The following THRB variants were observed in gnomAD, a reference collection of about 807,000 sequenced individuals.
THRB encodes the protein nuclear receptor subfamily 1 group A member 2.
A neutral mutation model predicts 47.8 loss-of-function variants in THRB; 12 were observed. That is an observed-to-expected ratio of 0.25 (90% CI 0.16 to 0.41). The LOEUF (loss-of-function observed/expected upper bound fraction) is 0.41, where lower values mean the gene tolerates loss of function less well. THRB is among the 10% of genes least tolerant of loss of function. THRB has a pLI of 1.00. For synonymous variants in THRB, 218 were observed against 212.2 expected, an observed-to-expected ratio of 1.03 and a Z score of -0.24; for missense variants, 348 against 589.2, an observed-to-expected ratio of 0.59 and a Z score of 4.24.
chr3:24,236,656 C>G (rs36098255), intron 3 of THRB, among the ~76,000 whole-genome samples: 14,512 of 152,110 alleles, frequency 0.095, 1,018 homozygotes, highest in African/African-American at 0.2. Flanking sequence ...TTCTCCTTCA[C>G]CTGCCCTGCC....
At chr3:24,322,480 T>C (rs1414328999) in intron 2 of THRB, among the ~76,000 whole-genome samples, 1 of 152,236 alleles carries the variant, frequency 6.6e-6, no homozygotes, top group Non-Finnish European at 1.5e-5. Flanking sequence ...CCCATCTCTG[T>C]CTGATGGCCC....
intron 5 of THRB, 119 bp from the exon 6 acceptor site, chr3:24,152,609 TAAA>T (rs2037143246): frequency 2.9e-6 from 2 of 699,222 alleles, no homozygotes; most frequent in African/African-American, 3.5e-5. Context: ...GTAACAACAG[TAAA>T]GACTTAGTGA....
At chr3:24,303,786 CACCG>C (rs1246983378) in intron 2 of THRB, among the ~76,000 whole-genome samples, 1 of 152,176 alleles carries the variant, frequency 6.6e-6, no homozygotes, top group Non-Finnish European at 1.5e-5. Context: ...CAGAAGGATA[CACCG>C]ACTAAGTTTT....
chr3:24,205,536 C>T (rs1384785953), intron 4 of THRB, among the ~76,000 whole-genome samples: 1 of 152,238 alleles, frequency 6.6e-6, no homozygotes, highest in South Asian at 2.1e-4. Flanking sequence ...GTAGCAGCCA[C>T]TGCAAAAACA....
chr3:24,412,541 A>T (rs980207006), intron 1 of THRB, among the ~76,000 whole-genome samples: 2 of 151,908 alleles, frequency 1.3e-5, no homozygotes, highest in East Asian at 3.9e-4. Context: ...AGAGTTACCA[A>T]ACAAAGCTAG....
intron 1 of THRB, among the ~76,000 whole-genome samples, chr3:24,468,211 G>C (rs1189221060): frequency 6.6e-6 from 1 of 152,172 alleles, no homozygotes; most frequent in African/African-American, 2.4e-5. Flanking sequence ...GGGCTTTGCT[G>C]TAGATTAGGC....
intron 9 of THRB, among the ~76,000 whole-genome samples, chr3:24,129,520 G>T (rs2033477515): frequency 6.6e-6 from 1 of 152,240 alleles, no homozygotes; most frequent in African/African-American, 2.4e-5. Flanking sequence ...AACTGTTGAA[G>T]ATTAGTTCAA....
chr3:24,490,607 G>C (rs1020547096), intron 1 of THRB, among the ~76,000 whole-genome samples: 9 of 152,148 alleles, frequency 5.9e-5, no homozygotes, highest in African/African-American at 2.2e-4. Flanking sequence ...AGGGTGATAA[G>C]AGCTATATAG....
intron 1 of THRB, among the ~76,000 whole-genome samples, chr3:24,425,712 G>A (rs1404790648): frequency 6.6e-6 from 1 of 151,826 alleles, no homozygotes; most frequent in East Asian, 1.9e-4. Context: ...TGGTGCCTAT[G>A]GGGGATTATT....
chr3:24,239,407 G>C (rs887893963), intron 3 of THRB, among the ~76,000 whole-genome samples: 1 of 152,116 alleles, frequency 6.6e-6, no homozygotes, highest in East Asian at 1.9e-4. Flanking sequence ...ATGCACCAGA[G>C]CAATTAGAGC....
intron 3 of THRB, among the ~76,000 whole-genome samples, chr3:24,262,946 T>C (rs193179811): frequency 1.3e-5 from 2 of 152,308 alleles, no homozygotes; most frequent in African/African-American, 4.8e-5. Flanking sequence ...AGAATTTGAT[T>C]CTTGCAAATA....
chr3:24,373,328 G>C (rs539342535), intron 1 of THRB, among the ~76,000 whole-genome samples: 1 of 152,266 alleles, frequency 6.6e-6, no homozygotes, highest in South Asian at 2.1e-4. Flanking sequence ...TATGCAAACT[G>C]AAGTCAACGC....
intron 4 of THRB, among the ~76,000 whole-genome samples, chr3:24,221,742 T>A (rs1006103874): frequency 6.6e-6 from 1 of 152,212 alleles, no homozygotes; most frequent in Admixed American, 6.5e-5. Flanking sequence ...CTGCTCAAAT[T>A]TGGAAACTGA....
chr3:24,377,393 T>C (rs1206604381), intron 1 of THRB, among the ~76,000 whole-genome samples: 1 of 151,972 alleles, frequency 6.6e-6, no homozygotes, highest in African/African-American at 2.4e-5. Flanking sequence ...CTGTCCTCTT[T>C]GGCATAGGTC....
intron 5 of THRB, among the ~76,000 whole-genome samples, chr3:24,183,958 T>A (rs925724486): frequency 1.4e-4 from 21 of 152,344 alleles, no homozygotes; most frequent in African/African-American, 5.1e-4. Context: ...GATTTTTGAA[T>A]GTGGTTGCAT....
At chr3:24,299,773 A>AT (rs1559869623) in intron 2 of THRB, among the ~76,000 whole-genome samples, 1 of 70,320 alleles carries the variant, frequency 1.4e-5, no homozygotes, top group African/African-American at 5.9e-5. Flanking sequence ...ATGCTTTTTT[A>AT]TTTATTTATT....
chr3:24,288,343 A>G (rs2055552005), intron 3 of THRB, among the ~76,000 whole-genome samples: 1 of 152,238 alleles, frequency 6.6e-6, no homozygotes, highest in Non-Finnish European at 1.5e-5. Context: ...CTACATCTGA[A>G]CTATTTACAC....
At chr3:24,364,392 A>G (rs2064301270) in intron 1 of THRB, among the ~76,000 whole-genome samples, 1 of 152,176 alleles carries the variant, frequency 6.6e-6, no homozygotes, top group South Asian at 2.1e-4. Flanking sequence ...TGTCTACTAT[A>G]TGTCAGGCAC....
At chr3:24,300,848 G>T (rs777217404) in intron 2 of THRB, among the ~76,000 whole-genome samples, 6 of 152,172 alleles carry the variant, frequency 3.9e-5, no homozygotes, top group African/African-American at 7.2e-5. Flanking sequence ...TCATTGTAGT[G>T]ACTGAATGGT....
Sources: allele counts gnomAD v4.1 joint callset (sites outside exome capture counted in the v4.1 genomes callset), GRCh38; gene constraint gnomAD v4.1.1; transcripts MANE v1.5; gene names NCBI Gene and HGNC (gene_info 2026-07-23, HGNC 2026-07-21).